The following CACNB4 variants were observed in gnomAD, a reference collection of about 807,000 sequenced individuals.
The protein encoded by CACNB4 is calcium voltage-gated channel auxiliary subunit beta 4, also known as voltage-dependent L-type calcium channel subunit beta-4.
Under a neutral mutation model 71.2 loss-of-function variants are expected in CACNB4, and 32 were observed. That is an observed-to-expected ratio of 0.45 (90% CI 0.34 to 0.60). CACNB4 has a LOEUF of 0.60. CACNB4 is among the 20% of genes least tolerant of loss of function. The pLI is 0.01. For missense variants in CACNB4, 464 were observed against 647.9 expected (o/e 0.72, Z 3.08); for synonymous variants, 231 against 236.9 (o/e 0.97, Z 0.23).
intron 2 of CACNB4, among the ~76,000 whole-genome samples, chr2:151,923,851 T>C (rs1208776634): frequency 6.6e-6 from 1 of 152,182 alleles, no homozygotes; most frequent in Non-Finnish European, 1.5e-5. Flanking sequence ...CCTGATTTCA[T>C]GGACCCAACA....
chr2:151,900,889 T>C (rs2099853206), intron 2 of CACNB4, among the ~76,000 whole-genome samples: 1 of 152,142 alleles, frequency 6.6e-6, no homozygotes, highest in African/African-American at 2.4e-5. Flanking sequence ...AGCACAGCAT[T>C]AGACATTGAC....
intron 13 of CACNB4, among the ~76,000 whole-genome samples, chr2:151,841,313 T>A (rs2099836179): frequency 6.6e-6 from 1 of 152,152 alleles, no homozygotes; most frequent in Non-Finnish European, 1.5e-5. Flanking sequence ...TGGCTCATGA[T>A]GGTAATTTCA....
chr2:151,988,199 C>T (rs79171919), intron 2 of CACNB4, among the ~76,000 whole-genome samples: 3,079 of 152,036 alleles, frequency 0.02, 105 homozygotes, highest in African/African-American at 0.07. Flanking sequence ...AAGTGGACAA[C>T]GGTTGCGGCA....
intron 2 of CACNB4, among the ~76,000 whole-genome samples, chr2:151,923,963 T>C (rs1409771449): frequency 6.6e-6 from 1 of 152,060 alleles, no homozygotes; most frequent in African/African-American, 2.4e-5. Flanking sequence ...CTCATCTCCA[T>C]TCAGAGGGAC....
intron 11 of CACNB4, 190 bp from the exon 12 acceptor site, chr2:151,853,733 A>G (rs2099839596): frequency 4.2e-6 from 2 of 475,472 alleles, no homozygotes; most frequent in Non-Finnish European, 7.4e-6. Flanking sequence ...TGGATTTGAT[A>G]TGTTCATCCT....
chr2:151,899,664 T>G (rs1191373702), intron 2 of CACNB4, among the ~76,000 whole-genome samples: 1 of 152,198 alleles, frequency 6.6e-6, no homozygotes. Flanking sequence ...TGTCGCTAGG[T>G]ACTAGGTACC....
At chr2:152,038,433 G>T (rs1377941444) in intron 2 of CACNB4, among the ~76,000 whole-genome samples, 1 of 152,164 alleles carries the variant, frequency 6.6e-6, no homozygotes, top group African/African-American at 2.4e-5. Context: ...CTGGAATGCA[G>T]CTTGATTGCA....
At position 151,860,740 on chromosome 2, in the gene CACNB4, A is replaced by G. The variant is rs765961368; in HGVS notation, c.839T>C (p.Ile280Thr). 35 of 1,613,484 alleles carry G rather than the reference A, an allele frequency of 2.2e-5. No individual in the cohort carries two copies. Among genetic ancestry groups the G allele is most frequent in the South Asian group, 2.0e-4 (18 of 91,072 alleles). The stretch of plus-strand genomic sequence containing the variant: ...GCTGGACCGGGTGTTCGAACGTTCA[A>G]TTATTGCTCTCTTGCTGGGATTATT... ...VLNNPSKRAI[I>T]ERSNTRSSLA... Residue 280 changes from isoleucine to threonine, a missense_variant, in exon 10 of 14, where the codon ATT becomes ACT. Ile to Thr is a moderately conservative substitution (Grantham distance 89). Transcript: ENST00000539935.
chr2:151,869,920 C>A (rs1406875458), intron 8 of CACNB4: 7 of 402,748 alleles, frequency 1.7e-5, no homozygotes, highest in Non-Finnish European at 3.1e-5. Flanking sequence ...TCACGTTCTA[C>A]CTATTTTTTA....
intron 2 of CACNB4, chr2:151,971,934 T>A: frequency 2.9e-6 from 1 of 345,388 alleles, no homozygotes; most frequent in Non-Finnish European, 5.5e-6. Flanking sequence ...TGGCCACCAC[T>A]GAGTCACCAG....
At chr2:151,998,740 T>C (rs1055455813) in intron 2 of CACNB4, among the ~76,000 whole-genome samples, 1 of 152,240 alleles carries the variant, frequency 6.6e-6, no homozygotes, top group Admixed American at 6.5e-5. Context: ...TGGAATGCTG[T>C]ATTCAGCACA....
intron 2 of CACNB4, among the ~76,000 whole-genome samples, chr2:152,039,530 T>C (rs1465208069): frequency 6.6e-6 from 1 of 152,190 alleles, no homozygotes; most frequent in African/African-American, 2.4e-5. Context: ...CCAAGCAGCA[T>C]ATGGAGCCCT....
intron 2 of CACNB4, among the ~76,000 whole-genome samples, chr2:152,055,590 C>T (rs1302077485): frequency 6.6e-6 from 1 of 152,148 alleles, no homozygotes; most frequent in African/African-American, 2.4e-5. Context: ...ATTTGCACAC[C>T]CCACTGAGTC....
rs374778362 is a variant in CACNB4, at chr2:152,084,811, G to A, written c.147+13519C>T. Reference sequence around the variant, plus strand: ...TTTTTAATTTGTTTTGTTTTGTAGAGACAGGATCTTGATATGTTGCCCAGG... The same window carrying A: ...TTTTTAATTTGTTTTGTTTTGTAGAAACAGGATCTTGATATGTTGCCCAGG... On this transcript the variant is annotated intron_variant, in intron 2 of 13. Transcript: ENST00000539935. Among the ~76,000 whole-genome samples the A allele has an allele frequency of 3.1e-4, 47 of 151,718 alleles. No individual in the cohort carries two copies. In the East Asian group the frequency reaches 5.0e-3, roughly 16 times the overall value.
intron 2 of CACNB4, among the ~76,000 whole-genome samples, chr2:152,021,187 C>T (rs560522903): frequency 2.9e-4 from 44 of 152,278 alleles, no homozygotes; most frequent in African/African-American, 1.0e-3. Context: ...GCGGAGGTTG[C>T]AGTGAGCAGA....
rs2151453194 is a variant in CACNB4, at chr2:151,883,384, T to C, written c.148-14A>G. ...ATCCGCTGAACCCTGGCAAAGAAAATAGAATAGTTTCAGATGATGTGTAGC... is the reference window on the plus strand; with the variant it reads ...ATCCGCTGAACCCTGGCAAAGAAAACAGAATAGTTTCAGATGATGTGTAGC... On this transcript the variant is annotated splice_polypyrimidine_tract_variant and intron_variant, in intron 2 of 13. Coordinates refer to ENST00000539935, the MANE Select transcript of CACNB4 (RefSeq NM_000726.5). The C allele has an allele frequency of 2.5e-6, 4 of 1,613,456 alleles. No homozygotes were observed. The highest frequency in any genetic ancestry group is 1.7e-5 in the Admixed American group (1 of 60,022).
At chr2:151,959,817 C>A (rs1180213902) in intron 2 of CACNB4, among the ~76,000 whole-genome samples, 1 of 152,142 alleles carries the variant, frequency 6.6e-6, no homozygotes, top group Non-Finnish European at 1.5e-5. Context: ...ACTATTCAAT[C>A]TTAATAAAGT....
chr2:151,964,341 T>G (rs1023209564), intron 2 of CACNB4, among the ~76,000 whole-genome samples: 1 of 152,212 alleles, frequency 6.6e-6, no homozygotes, highest in African/African-American at 2.4e-5. Context: ...CGTTTGCTTG[T>G]AAGTACATTT....
chr2:151,863,993 T>G (rs2099842434), intron 9 of CACNB4, among the ~76,000 whole-genome samples: 1 of 152,206 alleles, frequency 6.6e-6, no homozygotes, highest in South Asian at 2.1e-4. Flanking sequence ...CCAAAATTCT[T>G]TTTTATAAAA....
Sources: allele counts gnomAD v4.1 joint callset (sites outside exome capture counted in the v4.1 genomes callset), GRCh38; gene constraint gnomAD v4.1.1; transcripts MANE v1.5; gene names NCBI Gene and HGNC (gene_info 2026-07-23, HGNC 2026-07-21).